Variants in SERHL2 observed in about 807,000 individuals in gnomAD.
SERHL2 encodes the protein serine hydrolase-like protein 2.
Under a neutral mutation model 25.5 loss-of-function variants are expected in SERHL2, and 29 were observed. The observed-to-expected ratio is 1.14, with a 90% CI of 0.85 to 1.55. The LOEUF is 1.55. Among genes scored for constraint, SERHL2 ranks in the 40% most tolerant of loss-of-function variants. SERHL2 has a pLI of 0.00. For synonymous variants in SERHL2, 95 were observed against 103.5 expected (o/e 0.92, Z 0.50); for missense variants, 240 against 252.3 (o/e 0.95, Z 0.33).
chr22:42,567,687 A>ACTTTTATTTTTTTT (rs2146728286), intron 9 of SERHL2, among the ~76,000 whole-genome samples: 1 of 151,222 alleles, frequency 6.6e-6, no homozygotes, highest in South Asian at 2.1e-4. Flanking sequence ...AAAATAAATA[A>ACTTTTATTTTTTTT]ATAAAAAAAA....
chr22:42,563,356 C>T (rs914443270), intron 8 of SERHL2: 94 of 398,662 alleles, frequency 2.4e-4, no homozygotes, highest in Admixed American at 7.6e-4. Context: ...AGTGTGCAGA[C>T]CACACCTGGC....
chr22:42,560,320 G>T (rs1751717280), intron 8 of SERHL2, 55 bp downstream of exon 8: 2 of 1,361,310 alleles, frequency 1.5e-6, no homozygotes, highest in South Asian at 2.3e-5. Flanking sequence ...TCTTACCGAG[G>T]ATGTCAAGGA....
At chr22:42,559,449 C>T (rs1402316848) in intron 7 of SERHL2, among the ~76,000 whole-genome samples, 1 of 151,450 alleles carries the variant, frequency 6.6e-6, no homozygotes. Flanking sequence ...TGCCTGTAAT[C>T]CCAGCACTTT....
intron 8 of SERHL2, among the ~76,000 whole-genome samples, chr22:42,562,181 C>G (rs934549208): frequency 1.3e-5 from 2 of 151,860 alleles, no homozygotes; most frequent in East Asian, 1.9e-4. Flanking sequence ...CAGTACCCAG[C>G]CAGAACCCCC....
At chr22:42,564,896 CAAAG>C in intron 8 of SERHL2, among the ~76,000 whole-genome samples, 1 of 150,940 alleles carries the variant, frequency 6.6e-6, no homozygotes, top group East Asian at 2.0e-4. Flanking sequence ...CTCCTGGGCT[CAAAG>C]AACCCTTCCA....
At chr22:42,573,516 T>G (rs1282151737) in intron 11 of SERHL2, 2 of 171,594 alleles carry the variant, frequency 1.2e-5, no homozygotes, top group Admixed American at 1.2e-4. Flanking sequence ...TGCCTTGGCC[T>G]CCCAAAGTGC....
chr22:42,573,690 A>C (rs573213301), intron 11 of SERHL2: 3 of 545,092 alleles, frequency 5.5e-6, no homozygotes, highest in African/African-American at 1.9e-5. Context: ...TGTCCCTGCC[A>C]TGCAACTTCA....
intron 9 of SERHL2, among the ~76,000 whole-genome samples, chr22:42,567,512 AAAT>A (rs1309858261): frequency 6.7e-6 from 1 of 149,340 alleles, no homozygotes; most frequent in African/African-American, 2.5e-5. Context: ...AAAATGCAAA[AAAT>A]TAGCCGGGCG....
At chr22:42,573,891 G>C (rs1247412390) in intron 11 of SERHL2, 45 bp from the exon 12 acceptor site, 1 of 1,584,624 alleles carries the variant, frequency 6.3e-7, no homozygotes, top group East Asian at 2.3e-5. Flanking sequence ...GAGCTCCCTA[G>C]GCTCCTCTGG....
At chr22:42,565,076 TCTC>T (rs1465265308) in intron 8 of SERHL2, 1 of 152,316 alleles carries the variant, frequency 6.6e-6, no homozygotes, top group Non-Finnish European at 1.5e-5. Flanking sequence ...TACGCTACGT[TCTC>T]CTACAAATGG....
chr22:42,569,255 CTTCT>C (rs1923827230), intron 9 of SERHL2: 1 of 151,364 alleles, frequency 6.6e-6, no homozygotes, highest in Non-Finnish European at 1.5e-5. Flanking sequence ...AAGCACCTAC[CTTCT>C]ATTTATTTAT....
At chr22:42,571,452 G>A in intron 10 of SERHL2, 1 of 1,343,604 alleles carries the variant, frequency 7.4e-7, no homozygotes, top group East Asian at 3.3e-5. Context: ...TGTCAGCGGG[G>A]GGCATGCCCA....
At chr22:42,568,346 A>ACAGCTAGTTATCC (rs137042) in intron 9 of SERHL2, among the ~76,000 whole-genome samples, 1 of 141,870 alleles carries the variant, frequency 7.0e-6, no homozygotes, top group Admixed American at 7.0e-5. Context: ...TTCTAGATGA[A>ACAGCTAGTTATCC]CAATACCAGC....
At chr22:42,565,805 C>T (rs1428983561) in intron 8 of SERHL2, among the ~76,000 whole-genome samples, 1 of 151,726 alleles carries the variant, frequency 6.6e-6, no homozygotes, top group African/African-American at 2.4e-5. Context: ...TTTAGGCCCC[C>T]CACCAAGAAA....
intron 8 of SERHL2, chr22:42,564,972 G>GCA (rs1204423882): frequency 1.3e-5 from 2 of 150,030 alleles, no homozygotes; most frequent in East Asian, 4.0e-4. Context: ...GCGCGCGTGT[G>GCA]TGTGTGTGTG....
At chr22:42,557,557 CAAA>C (rs3046378) in intron 6 of SERHL2, among the ~76,000 whole-genome samples, 17,278 of 44,808 alleles carry the variant, frequency 0.39, 1,242 homozygotes, top group Non-Finnish European at 0.47. Flanking sequence ...CTCCGTCTCC[CAAA>C]AAAAAAAAAA....
chr22:42,568,631 A>G (rs368446381), intron 9 of SERHL2, among the ~76,000 whole-genome samples: 1 of 151,968 alleles, frequency 6.6e-6, no homozygotes, highest in African/African-American at 2.4e-5. Flanking sequence ...TACAAAATGG[A>G]GCTGGCCCAA....
At chr22:42,563,850 A>G (rs1372889367) in intron 8 of SERHL2, among the ~76,000 whole-genome samples, 3 of 151,894 alleles carry the variant, frequency 2.0e-5, no homozygotes, top group Non-Finnish European at 4.4e-5. Context: ...GAGGTGGGTG[A>G]ATCACCTGAT....
intron 8 of SERHL2, among the ~76,000 whole-genome samples, chr22:42,564,606 A>G (rs1288396160): frequency 6.6e-6 from 1 of 151,128 alleles, no homozygotes; most frequent in Admixed American, 6.6e-5. Context: ...TAATTTTTGT[A>G]TTTTTAGTAG....
Sources: allele counts gnomAD v4.1 joint callset (sites outside exome capture counted in the v4.1 genomes callset), GRCh38; gene constraint gnomAD v4.1.1; transcripts MANE v1.5; gene names NCBI Gene and HGNC (gene_info 2026-07-23, HGNC 2026-07-21).